MYPN: variants seen among roughly 807,000 people sequenced by gnomAD.
The protein encoded by MYPN is sarcomeric protein myopalladin, 145 kDa (MYOP).
MYPN carries 63 observed loss-of-function variants against 129.4 expected under a neutral mutation model. The ratio of observed to expected loss-of-function variants is 0.49; its 90% CI spans 0.40 to 0.60. MYPN has a LOEUF of 0.60. Ranked by LOEUF, MYPN falls within the 20% of genes least tolerant of loss-of-function variation. MYPN has a pLI of 0.00. For missense variants in MYPN, 1,596 were observed against 1,635.4 expected (o/e 0.98, Z 0.42); for synonymous variants, 629 against 600.9 (o/e 1.05, Z -0.68).
intron 8 of MYPN, among the ~76,000 whole-genome samples, chr10:68,164,961 G>C (rs562849092): frequency 6.6e-6 from 1 of 152,350 alleles, no homozygotes; most frequent in African/African-American, 2.4e-5. Flanking sequence ...CAATGCAAAA[G>C]TTCCCCAAGG....
upstream of MYPN, among the ~76,000 whole-genome samples, chr10:68,101,997 AT>A (rs1202571636): frequency 6.6e-6 from 1 of 151,812 alleles, no homozygotes; most frequent in Non-Finnish European, 1.5e-5. Flanking sequence ...TCTGCCTTTA[AT>A]TTTTTGATAC....
At chr10:68,170,371 T>C (rs1906723) in intron 10 of MYPN, among the ~76,000 whole-genome samples, 9,519 of 152,222 alleles carry the variant, frequency 0.063, 1,022 homozygotes, top group African/African-American at 0.22. Flanking sequence ...CTTCCTTTTC[T>C]CTTGTATATA....
At chr10:68,189,738 G>GAT (rs1172569150) in intron 13 of MYPN, among the ~76,000 whole-genome samples, 4 of 152,144 alleles carry the variant, frequency 2.6e-5, no homozygotes, top group Non-Finnish European at 5.9e-5. Context: ...ATTGTGTATA[G>GAT]ATACCCCATT....
intron 2 of MYPN, among the ~76,000 whole-genome samples, chr10:68,140,469 A>C (rs555327922): frequency 6.6e-6 from 1 of 152,180 alleles, no homozygotes; most frequent in East Asian, 1.9e-4. Flanking sequence ...AAATAGTAAA[A>C]GCGTGTATAA....
chr10:68,141,322 T>C (rs1209694643), intron 2 of MYPN, among the ~76,000 whole-genome samples: 1 of 149,800 alleles, frequency 6.7e-6, no homozygotes, highest in African/African-American at 2.5e-5. Context: ...TGAGTGGAGA[T>C]CGGACCACTG....
upstream of MYPN, among the ~76,000 whole-genome samples, chr10:68,104,141 A>G (rs2041995645): frequency 6.6e-6 from 1 of 152,186 alleles, no homozygotes; most frequent in Non-Finnish European, 1.5e-5. Flanking sequence ...CCAGCCTAGA[A>G]TACACTTGTA....
intron 12 of MYPN, 21 bp from the exon 13 acceptor site, chr10:68,188,884 A>G (rs748787753): frequency 1.9e-6 from 3 of 1,605,356 alleles, no homozygotes; most frequent in Non-Finnish European, 2.6e-6. Flanking sequence ...GGAAATTGAA[A>G]CACGTTTGTC....
At chr10:68,167,447 C>T (rs1057111522) in intron 10 of MYPN, among the ~76,000 whole-genome samples, 2 of 152,210 alleles carry the variant, frequency 1.3e-5, no homozygotes, top group Non-Finnish European at 2.9e-5. Flanking sequence ...TCTGACTCAA[C>T]TCAGGAGCCT....
At chr10:68,106,552 G>T (rs1306919473), upstream of MYPN, 2 of 673,568 alleles carry the variant, frequency 3.0e-6, no homozygotes, top group Admixed American at 4.4e-5. Flanking sequence ...GTTTTGTTTA[G>T]TTTTTTCATC....
chr10:68,121,693 CGACCCTTTG>C lies in MYPN; in HGVS notation c.258_266del (p.Asp86_Leu88del). Reference sequence around the variant, plus strand: ...ATTTGGCAAGACTGGCCATCAATTACGACCCTTTGGAGAAGGCAGATGAAACTCAAGCTA... The same window carrying C: ...ATTTGGCAAGACTGGCCATCAATTACGAGAAGGCAGATGAAACTCAAGCTA... On this transcript the variant is annotated inframe_deletion, in exon 2 of 20. Transcript: ENST00000358913. The C allele has an allele frequency of 1.9e-6, 3 of 1,614,194 alleles. No homozygotes were observed. The highest frequency in any genetic ancestry group is 2.5e-6 in the Non-Finnish European group (3 of 1,180,034).
intron 2 of MYPN, among the ~76,000 whole-genome samples, chr10:68,139,820 C>T (rs540041772): frequency 4.5e-4 from 68 of 152,206 alleles, no homozygotes; most frequent in Non-Finnish European, 9.3e-4. Context: ...TTTCTGAGTA[C>T]CTACCATGTG....
chr10:68,120,472 AT>A (rs1404535676), intron 1 of MYPN, among the ~76,000 whole-genome samples: 1 of 152,194 alleles, frequency 6.6e-6, no homozygotes, highest in Non-Finnish European at 1.5e-5. Context: ...TTAATTTAAG[AT>A]TTTTTAAAAA....
chr10:68,116,249 A>G (rs1045191732), intron 1 of MYPN, among the ~76,000 whole-genome samples: 1 of 151,140 alleles, frequency 6.6e-6, no homozygotes, highest in Non-Finnish European at 1.5e-5. Flanking sequence ...TATAAAATTA[A>G]TGCTTAAAAT....
At chr10:68,156,183 T>G (rs1418126424) in intron 6 of MYPN, among the ~76,000 whole-genome samples, 2 of 152,200 alleles carry the variant, frequency 1.3e-5, no homozygotes, top group Admixed American at 6.5e-5. Context: ...CCACCTTTTT[T>G]GATGTTTGGT....
chr10:68,106,709 G>A (rs1256770366), upstream of MYPN: 4 of 716,842 alleles, frequency 5.6e-6, no homozygotes, highest in Non-Finnish European at 1.0e-5. Context: ...GAATCTACTA[G>A]CATGGAAATT....
rs79232652 is a variant in MYPN at position 68,181,991 on chromosome 10, C to G, written c.2703+6530C>G. Among the ~76,000 whole-genome samples the G allele has an allele frequency of 4.1e-4, 62 of 152,100 alleles. No individual in the cohort carries two copies. In the East Asian group the frequency reaches 0.01, roughly 25 times the overall value. ...CATTAATGGCTCTCTCCAAAGTCCT[C>G]TTGCTGGGTCTTCTCCCTCCTGACT... On this transcript the variant is annotated intron_variant, in intron 12 of 19. Transcript: ENST00000358913.
intron 7 of MYPN, among the ~76,000 whole-genome samples, chr10:68,159,956 A>G (rs1288255620): frequency 1.3e-5 from 2 of 152,202 alleles, no homozygotes; most frequent in Admixed American, 6.5e-5. Flanking sequence ...GTATTACCTC[A>G]CACACATCAT....
At chr10:68,159,144 G>T (rs999398523) in intron 7 of MYPN, among the ~76,000 whole-genome samples, 3 of 152,080 alleles carry the variant, frequency 2.0e-5, no homozygotes, top group Admixed American at 6.6e-5. Flanking sequence ...CCACCCCAAA[G>T]GGTTGAACTA....
At chr10:68,175,853 CAA>C (rs1198855366) in intron 12 of MYPN, among the ~76,000 whole-genome samples, 3 of 152,142 alleles carry the variant, frequency 2.0e-5, no homozygotes, top group African/African-American at 7.2e-5. Flanking sequence ...CTCCTGGGCT[CAA>C]GTGTTCCTCT....
Sources: allele counts gnomAD v4.1 joint callset (sites outside exome capture counted in the v4.1 genomes callset), GRCh38; gene constraint gnomAD v4.1.1; transcripts MANE v1.5; gene names NCBI Gene and HGNC (gene_info 2026-07-23, HGNC 2026-07-21).